Variants in FER observed in about 807,000 individuals in gnomAD.
FER encodes FER tyrosine kinase, also known as tyrosine-protein kinase Fer.
In FER, 63 loss-of-function variants were observed where a neutral mutation model predicts 111.0. That is an observed-to-expected ratio of 0.57 (90% CI 0.46 to 0.70). FER has a LOEUF of 0.70. Among genes scored for constraint, FER ranks in the 30% least tolerant of loss-of-function variants. The pLI is 0.00. For missense variants in FER, 914 were observed against 954.0 expected (o/e 0.96, Z 0.55); for synonymous variants, 327 against 313.9 (o/e 1.04, Z -0.44).
chr5:109,176,414 T>C (rs1757695052), intron 17 of FER, among the ~76,000 whole-genome samples: 1 of 152,120 alleles, frequency 6.6e-6, no homozygotes, highest in South Asian at 2.1e-4. Context: ...CTCACTCATA[T>C]GGGAGCTAAA....
intron 17 of FER, among the ~76,000 whole-genome samples, chr5:109,166,619 ATTTC>A (rs1014908605): frequency 6.6e-6 from 1 of 152,130 alleles, no homozygotes; most frequent in African/African-American, 2.4e-5. Context: ...ACAACTGTTT[ATTTC>A]TTATTGTTCT....
rs1581741833 is a variant in FER, at chr5:109,035,891, A to G, written c.1657-1531A>G. ...GAAGTATCGTCTTATTGTGATTTGT[A>G]TTTGTATATCACTGGTGACTAATGA... On this transcript the variant is annotated intron_variant, in intron 13 of 19. Coordinates refer to ENST00000281092, the MANE Select transcript of FER (RefSeq NM_005246.4). Among the ~76,000 whole-genome samples, 6 of 152,216 alleles carry G rather than the reference A, an allele frequency of 3.9e-5. No individual in the cohort carries two copies. In the South Asian group the frequency reaches 1.2e-3, roughly 32 times the overall value.
chr5:108,845,067 TACACAC>T (rs61156019), intron 5 of FER, among the ~76,000 whole-genome samples: 12 of 53,884 alleles, frequency 2.2e-4, no homozygotes, highest in East Asian at 5.3e-4. Flanking sequence ...TATATATATA[TACACAC>T]ACACACACAC....
At chr5:109,104,935 G>T (rs1302852074) in intron 17 of FER, among the ~76,000 whole-genome samples, 1 of 151,806 alleles carries the variant, frequency 6.6e-6, no homozygotes, top group East Asian at 1.9e-4. Flanking sequence ...AGTAGAGACA[G>T]GGTTTCACCA....
At chr5:108,912,768 G>A (rs1035559298) in intron 10 of FER, among the ~76,000 whole-genome samples, 3 of 152,136 alleles carry the variant, frequency 2.0e-5, no homozygotes, top group African/African-American at 7.2e-5. Context: ...TTGAAGGCCT[G>A]GGAAAAAAAT....
At chr5:109,073,383 C>T (rs531221090) in intron 16 of FER, among the ~76,000 whole-genome samples, 1 of 152,242 alleles carries the variant, frequency 6.6e-6, no homozygotes, top group Admixed American at 6.5e-5. Context: ...CATCTCTGTC[C>T]TCATGGCTCG....
intron 16 of FER, among the ~76,000 whole-genome samples, chr5:109,059,457 G>A (rs943650845): frequency 3.9e-5 from 6 of 152,260 alleles, no homozygotes; most frequent in African/African-American, 1.4e-4. Flanking sequence ...GAACCCGGGA[G>A]GCGGAGGTTG....
chr5:109,001,407 GA>G (rs1392465666), intron 13 of FER, among the ~76,000 whole-genome samples: 1 of 152,172 alleles, frequency 6.6e-6, no homozygotes, highest in East Asian at 1.9e-4. Flanking sequence ...AATAGATGCA[GA>G]AAAGGCCTTT....
At chr5:109,059,257 G>A (rs1774061660) in intron 16 of FER, among the ~76,000 whole-genome samples, 1 of 151,740 alleles carries the variant, frequency 6.6e-6, no homozygotes, top group Non-Finnish European at 1.5e-5. Flanking sequence ...TAAATACATG[G>A]TTATGAAAAG....
At chr5:108,983,999 G>C (rs1762295480) in intron 13 of FER, among the ~76,000 whole-genome samples, 1 of 151,976 alleles carries the variant, frequency 6.6e-6, no homozygotes, top group South Asian at 2.1e-4. Context: ...CTTTGCCTCT[G>C]GTGCTGGCAA....
At chr5:109,060,768 G>A (rs561211762) in intron 16 of FER, among the ~76,000 whole-genome samples, 1,608 of 123,826 alleles carry the variant, frequency 0.013, 30 homozygotes, top group African/African-American at 0.042. Flanking sequence ...TGGTGTGTGT[G>A]TGTGTATATA....
chr5:108,766,486 A>G (rs1313900092), intron 1 of FER, among the ~76,000 whole-genome samples: 3 of 152,346 alleles, frequency 2.0e-5, no homozygotes, highest in Admixed American at 6.5e-5. Flanking sequence ...AGAGAAATGT[A>G]TTAACACTTT....
intron 16 of FER, among the ~76,000 whole-genome samples, chr5:109,057,594 T>C (rs185067375): frequency 3.3e-4 from 51 of 152,290 alleles, no homozygotes; most frequent in Admixed American, 3.3e-3. Flanking sequence ...CAAGCAGTCC[T>C]CCTGCCTCAG....
intron 13 of FER, among the ~76,000 whole-genome samples, chr5:109,032,216 A>G (rs1267632279): frequency 2.0e-5 from 3 of 152,164 alleles, no homozygotes; most frequent in Non-Finnish European, 4.4e-5. Flanking sequence ...GTAGAAAAAT[A>G]AACTCTTTAG....
At chr5:109,077,852 A>G (rs1288788018) in intron 16 of FER, among the ~76,000 whole-genome samples, 1 of 152,138 alleles carries the variant, frequency 6.6e-6, no homozygotes, top group African/African-American at 2.4e-5. Flanking sequence ...GAACTTTCAA[A>G]CCCATATAAT....
intron 3 of FER, among the ~76,000 whole-genome samples, chr5:108,821,342 A>G (rs1390548681): frequency 6.6e-6 from 1 of 152,180 alleles, no homozygotes; most frequent in Non-Finnish European, 1.5e-5. Flanking sequence ...GAAAGAGACT[A>G]GTCAATTCCT....
At chr5:109,049,035 A>G (rs934577418) in intron 16 of FER, among the ~76,000 whole-genome samples, 1 of 152,208 alleles carries the variant, frequency 6.6e-6, no homozygotes, top group Non-Finnish European at 1.5e-5. Context: ...TGTTCAATGA[A>G]TATCCTTGGA....
At chr5:108,998,511 G>A (rs1034336456) in intron 13 of FER, among the ~76,000 whole-genome samples, 5 of 152,156 alleles carry the variant, frequency 3.3e-5, no homozygotes, top group African/African-American at 7.2e-5. Flanking sequence ...GAGATGAACC[G>A]GATACCTCAG....
chr5:108,856,777 T>C (rs1277213830), intron 5 of FER, among the ~76,000 whole-genome samples: 1 of 151,972 alleles, frequency 6.6e-6, no homozygotes, highest in Admixed American at 6.5e-5. Context: ...TTTTTTTCAG[T>C]GTGACTTCTT....
Sources: gnomAD v4.1 joint callset for allele counts (sites outside exome capture counted in the v4.1 genomes callset) on GRCh38, gnomAD v4.1.1 for gene constraint, MANE v1.5 for transcripts, NCBI Gene and HGNC (gene_info 2026-07-23, HGNC 2026-07-21) for gene names.